COL18A1: variants seen among roughly 807,000 people sequenced by gnomAD.
COL18A1 encodes the protein collagen type XVIII alpha 1 chain.
A neutral mutation model predicts 168.0 loss-of-function variants in COL18A1; 133 were observed. The observed-to-expected ratio is 0.79, with a 90% CI of 0.69 to 0.91. The LOEUF is 0.91. Among genes scored for constraint, COL18A1 ranks in the 40% least tolerant of loss-of-function variants. The pLI, the probability that COL18A1 is intolerant of heterozygous loss-of-function variation, is 0.00. For missense variants in COL18A1, 2,126 were observed against 1,925.4 expected (o/e 1.10, Z -1.95); for synonymous variants, 949 against 809.0 (o/e 1.17, Z -2.94).
rs1327562260 is a variant in COL18A1 at position 45,511,023 on chromosome 21, A to AACC, written c.3694-88_3694-87insACC. On this transcript the variant is annotated intron_variant, in intron 40 of 41. Transcript: ENST00000651438. ...ACACACCCCCCCCCCACACATCCAC[A>AACC]CCCCACATCCACACACCCCCCCACA... 13 of 242,466 alleles carry AACC rather than the reference A, an allele frequency of 5.4e-5. 1 individual carries two copies. Among genetic ancestry groups the AACC allele is most frequent in the African/African-American group, 2.4e-4 (3 of 12,450 alleles). The allele number at this position is 242,466 out of a possible 1,614,324, so 15.0% of individuals were successfully genotyped here. A position where few individuals can be genotyped will look rare whatever the true frequency, so the allele number is the denominator to read the frequency against.
At chr21:45,441,471 G>A (rs942952506) in intron 2 of COL18A1, among the ~76,000 whole-genome samples, 13 of 152,252 alleles carry the variant, frequency 8.5e-5, no homozygotes, top group African/African-American at 3.1e-4. Context: ...TCCAGGCCTC[G>A]GGACGCTTGA....
At chr21:45,410,439 G>A (rs548970227) in intron 2 of COL18A1, among the ~76,000 whole-genome samples, 31 of 110,430 alleles carry the variant, frequency 2.8e-4, no homozygotes, top group African/African-American at 7.5e-4. Context: ...CTGACCCTGC[G>A]GGGACCCCTG....
intron 2 of COL18A1, among the ~76,000 whole-genome samples, chr21:45,441,196 C>T (rs1251776210): frequency 6.6e-6 from 1 of 152,218 alleles, no homozygotes; most frequent in East Asian, 1.9e-4. Context: ...CCACAGCTCC[C>T]CTACACACAG....
intron 2 of COL18A1, among the ~76,000 whole-genome samples, chr21:45,450,484 G>A (rs1043770861): frequency 6.6e-6 from 1 of 152,206 alleles, no homozygotes; most frequent in Non-Finnish European, 1.5e-5. Context: ...CCTTCAGCCC[G>A]GAAATGAGCC....
In COL18A1 at chr21:45,438,248, GCACACACACACACTCACACT is replaced by G. The variant is rs1569289360; in HGVS notation, c.107-29991_107-29972del. ...CACTCAGACACACAGGCACTCTCCTGCACACACACACACTCACACTCAGACACACAGGCACTCTCCTGCAC... is the reference window on the plus strand; with the variant it reads ...CACTCAGACACACAGGCACTCTCCTGCAGACACACAGGCACTCTCCTGCAC... On this transcript the variant is annotated intron_variant, in intron 2 of 41. Transcript: ENST00000651438. Among the ~76,000 whole-genome samples the G allele has an allele frequency of 4.7e-4, 36 of 77,244 alleles. 4 individuals carry two copies. Among genetic ancestry groups the G allele is most frequent in the African/African-American group, 2.2e-3 (34 of 15,332 alleles). The allele number at this position is 77,244 out of a possible 152,430, so 50.7% of individuals were successfully genotyped here.
chr21:45,409,305 A>C (rs937059298), intron 2 of COL18A1, among the ~76,000 whole-genome samples: 4 of 152,224 alleles, frequency 2.6e-5, no homozygotes, highest in African/African-American at 9.6e-5. Flanking sequence ...TGTGCAGGGC[A>C]GGGGCAGAAT....
chr21:45,437,472 T>TCTCCTGCACACACTCACACAGACAGGCA (rs2034175241), intron 2 of COL18A1, among the ~76,000 whole-genome samples: 2 of 73,038 alleles, frequency 2.7e-5, no homozygotes, highest in Non-Finnish European at 4.9e-5. Flanking sequence ...ACACAGGCAC[T>TCTCCTGCACACACTCACACAGACAGGCA]CTCCTGCACA....
At position 45,468,759 on chromosome 21, in the gene COL18A1, G is replaced by C. The variant is rs76148908; in HGVS notation, c.624G>C (p.Ala208=). The change falls in exon 3 of 42, where the codon GCG becomes GCC. Residue 208 remains alanine (A), a synonymous_variant. Coordinates refer to ENST00000651438, the MANE Select transcript of COL18A1 (RefSeq NM_001379500.1). The part of the protein sequence containing the change: ...EPGAGLFVAQ[A]GGADPDKFQG... ...GCGCCGGGCTCTTCGTGGCTCAGGCGGGGGGAGCGGACCCTGACAAGTTCC... is the reference window on the plus strand; with the variant it reads ...GCGCCGGGCTCTTCGTGGCTCAGGCCGGGGGAGCGGACCCTGACAAGTTCC... 3.8e-5 allele frequency: 61 copies of C among 1,603,530 alleles called. No homozygotes were observed. Among genetic ancestry groups the C allele is most frequent in the Admixed American group, 2.3e-4 (14 of 59,712 alleles).
intron 9 of COL18A1, 121 bp downstream of exon 9, chr21:45,478,474 C>A: frequency 2.2e-6 from 3 of 1,335,072 alleles, no homozygotes; most frequent in South Asian, 1.2e-5. Flanking sequence ...ACAGCAAAAC[C>A]ATTTTGAAAG....
intron 2 of COL18A1, chr21:45,419,624 G>T (rs1359934840): frequency 1.3e-5 from 2 of 152,206 alleles, no homozygotes; most frequent in East Asian, 3.8e-4. Flanking sequence ...AGGAAGCCTG[G>T]CTGGCGCTGA....
At position 45,512,567 on chromosome 21, in the gene COL18A1, TA is replaced by T. The variant is rs2037674635; in HGVS notation, c.*170del. The stretch of plus-strand genomic sequence containing the variant: ...AGAAATAAAAGGAAGCCAAAGAGTG[TA>T]TTTTTTTAAAAGTTTAAAACAGAAG... On this transcript the variant is annotated 3_prime_UTR_variant, in exon 42 of 42. Transcript: ENST00000651438. The T allele has an allele frequency of 7.3e-6, 5 of 682,830 alleles. No homozygotes were observed. The East Asian group carries it at 1.4e-4, about 19-fold the overall frequency. The allele number at this position is 682,830 out of a possible 1,614,324, so 42.3% of individuals were successfully genotyped here.
intron 2 of COL18A1, among the ~76,000 whole-genome samples, chr21:45,431,904 C>T (rs1163000230): frequency 2.0e-5 from 3 of 152,172 alleles, no homozygotes; most frequent in Non-Finnish European, 4.4e-5. Context: ...CCAAGGGCAG[C>T]CCTGGTTTGG....
intron 2 of COL18A1, among the ~76,000 whole-genome samples, chr21:45,429,134 C>A (rs1202433434): frequency 1.3e-5 from 2 of 152,130 alleles, no homozygotes; most frequent in Admixed American, 1.3e-4. Flanking sequence ...ATCTTCCGAC[C>A]TTGTGATCTG....
intron 2 of COL18A1, among the ~76,000 whole-genome samples, chr21:45,437,257 CT>C (rs2034148624): frequency 9.8e-6 from 1 of 102,094 alleles, no homozygotes; most frequent in Non-Finnish European, 2.0e-5. Flanking sequence ...CACACACACA[CT>C]CACACACTCA....
chr21:45,500,241 G>GGT (rs1187874110), intron 32 of COL18A1, among the ~76,000 whole-genome samples: 1 of 145,922 alleles, frequency 6.9e-6, no homozygotes, highest in African/African-American at 2.6e-5. Flanking sequence ...GGTGTGAGGG[G>GGT]GTGTGTGGAG....
Position 45,476,103 on chromosome 21 carries a change from C to CCGGGAGGCCTCTGTGGTGA in COL18A1, c.799-244_799-226dup, listed in dbSNP as rs368405818. Among the ~76,000 whole-genome samples the CCGGGAGGCCTCTGTGGTGA allele has an allele frequency of 1.6e-3, 251 of 152,130 alleles. 1 individual carries two copies. Among genetic ancestry groups the CCGGGAGGCCTCTGTGGTGA allele is most frequent in the African/African-American group, 5.4e-3 (224 of 41,420 alleles). ...GCTTCCCAGCATGGCCTGTCGGGCGCCGGGAGGCCTCTGTGGTGACGGCAG... is the reference window on the plus strand; with the variant it reads ...GCTTCCCAGCATGGCCTGTCGGGCGCCGGGAGGCCTCTGTGGTGACGGGAGGCCTCTGTGGTGACGGCAG... On this transcript the variant is annotated intron_variant, in intron 5 of 41. Transcript: ENST00000651438.
chr21:45,459,328 A>C (rs891597737), intron 2 of COL18A1, among the ~76,000 whole-genome samples: 1 of 151,586 alleles, frequency 6.6e-6, no homozygotes, highest in African/African-American at 2.4e-5. Flanking sequence ...CCTCGGGCAG[A>C]CTTCGAGGCC....
Position 45,456,167 on chromosome 21 carries a change from C to T in COL18A1, c.107-12075C>T, listed in dbSNP as rs777802002. The T allele has an allele frequency of 2.5e-6, 4 of 1,590,266 alleles. No individual in the cohort carries two copies. In the South Asian group the frequency reaches 3.4e-5, roughly 14 times the overall value. On this transcript the variant is annotated intron_variant, in intron 2 of 41. Transcript: ENST00000651438. ...ACTCACGGGGCCCTCAGTGCCACCACCATCTTCAGGTAGAGCTTCTCTCTC... is the reference window on the plus strand; with the variant it reads ...ACTCACGGGGCCCTCAGTGCCACCATCATCTTCAGGTAGAGCTTCTCTCTC...
At chr21:45,484,611 A>G (rs995678674) in intron 15 of COL18A1, among the ~76,000 whole-genome samples, 5 of 148,158 alleles carry the variant, frequency 3.4e-5, no homozygotes, top group African/African-American at 1.3e-4. Flanking sequence ...TCTGGTGTAT[A>G]TGTGCAACAC....
Sources: allele counts gnomAD v4.1 joint callset (sites outside exome capture counted in the v4.1 genomes callset), GRCh38; gene constraint gnomAD v4.1.1; transcripts MANE v1.5; gene names NCBI Gene and HGNC (gene_info 2026-07-23, HGNC 2026-07-21).